Variants in PMIS2 observed in about 807,000 individuals in gnomAD.
PMIS2 encodes transmembrane protein PMIS2.
Position 35,586,324 on chromosome 19 carries a change from C to T in PMIS2, c.65C>T (p.Pro22Leu), listed in dbSNP as rs1217264109. 5 of 398,270 alleles carry T rather than the reference C, an allele frequency of 1.3e-5. No homozygotes were observed. In the East Asian group the frequency reaches 1.8e-4, roughly 14 times the overall value. 24.7% of individuals were successfully genotyped at this position (398,270 alleles called of 1,614,324 possible). ...AACGCGCCAGCTACCCCAGACGCCCCCCCTACCACAGGTGATCCAGGTGCT... is the reference window on the plus strand; with the variant it reads ...AACGCGCCAGCTACCCCAGACGCCCTCCCTACCACAGGTGATCCAGGTGCT... Residue 22 changes from proline (P) to leucine (L), a missense_variant, in exon 1 of 2, where the codon CCC becomes CTC. Physicochemically the swap from Pro to Leu is moderately conservative, Grantham distance 98 (BLOSUM62 -3). Coordinates refer to ENST00000646476, the Ensembl canonical transcript of PMIS2.
chr19:35,586,786 G>A (rs555034600), intron 1 of PMIS2, among the ~76,000 whole-genome samples, 190 bp from the exon 2 acceptor site: 16 of 152,070 alleles, frequency 1.1e-4, no homozygotes, highest in African/African-American at 3.6e-4. Flanking sequence ...CACCATGCTG[G>A]CCAGGCTGGT....
At chr19:35,587,057 G>A (rs1463795751) in exon 2 of PMIS2, 17 of 398,514 alleles carry the variant, frequency 4.3e-5, no homozygotes, top group Admixed American at 1.8e-4. Flanking sequence ...ATGGGAAGAG[G>A]CTTACATCAA....
At chr19:35,587,233 G>A, downstream of PMIS2, 1 of 397,594 alleles carries the variant, frequency 2.5e-6, no homozygotes, top group Non-Finnish European at 4.4e-6. Flanking sequence ...CATCAGGCAA[G>A]AAATTCAACC....
exon 2 of PMIS2, chr19:35,587,116 A>C (rs773595804): frequency 2.5e-6 from 1 of 398,508 alleles, no homozygotes; most frequent in East Asian, 3.6e-5. Context: ...TGATTGGCTT[A>C]GGCATCATTT....
exon 1 of PMIS2, chr19:35,586,411 A>C: frequency 2.5e-6 from 1 of 398,806 alleles, no homozygotes; most frequent in Non-Finnish European, 4.4e-6. Context: ...GAGGTGCCCC[A>C]GGAGCCGCAA....
At chr19:35,587,101 G>A (rs2071782912) in exon 2 of PMIS2, 1 of 398,550 alleles carries the variant, frequency 2.5e-6, no homozygotes, top group Non-Finnish European at 4.4e-6. Flanking sequence ...GTGCATTCGT[G>A]GTAATGATTG....
chr19:35,586,534 C>G (rs1235516294), exon 1 of PMIS2: 1 of 397,238 alleles, frequency 2.5e-6, no homozygotes, highest in Non-Finnish European at 4.4e-6. Context: ...TTGTACTTCT[C>G]TTATGAGGTA....
At chr19:35,586,941 C>G (rs1226134520) in intron 1 of PMIS2, 35 bp from the exon 2 acceptor site, 1 of 398,684 alleles carries the variant, frequency 2.5e-6, no homozygotes, top group Non-Finnish European at 4.4e-6. Context: ...GGGGCTTTCC[C>G]TCAGTGACTG....
At chr19:35,586,565 C>T in intron 1 of PMIS2, 24 bp downstream of exon 1, 1 of 395,104 alleles carries the variant, frequency 2.5e-6, no homozygotes, top group Non-Finnish European at 4.4e-6. Context: ...CAAGTCATAG[C>T]CCCCGTCCTT....
exon 1 of PMIS2, chr19:35,586,359 C>T (rs1164048995): frequency 1.3e-5 from 5 of 399,186 alleles, no homozygotes; most frequent in Non-Finnish European, 2.2e-5. Flanking sequence ...TTCAGCTGCC[C>T]CAGGTTCTCC....
chr19:35,586,366 C>A (rs1166503517), exon 1 of PMIS2: 1 of 399,154 alleles, frequency 2.5e-6, no homozygotes, highest in East Asian at 3.6e-5. Context: ...GCCCCAGGTT[C>A]TCCCACTACC....
At chr19:35,586,440 G>C (rs1005672960) in exon 1 of PMIS2, 1 of 398,590 alleles carries the variant, frequency 2.5e-6, no homozygotes, top group African/African-American at 2.1e-5. Context: ...ACAGACACCA[G>C]AGGAACTAGC....
exon 1 of PMIS2, chr19:35,586,492 T>C: frequency 5.0e-6 from 2 of 398,584 alleles, no homozygotes; most frequent in Middle Eastern, 6.3e-4. Flanking sequence ...ATCTTTGCTA[T>C]ACTTTTATTC....
At chr19:35,586,437 C>A in exon 1 of PMIS2, 1 of 398,704 alleles carries the variant, frequency 2.5e-6, no homozygotes, top group Non-Finnish European at 4.4e-6. Flanking sequence ...TACACAGACA[C>A]CAGAGGAACT....
At position 35,586,311 on chromosome 19, in the gene PMIS2, A is replaced by AC; in HGVS notation, c.56dup (p.Asp20ArgfsTer8). Reference sequence around the variant, plus strand: ...CCAGCCTGCTCCCAACGCGCCAGCTACCCCAGACGCCCCCCCTACCACAGG... The same window carrying AC: ...CCAGCCTGCTCCCAACGCGCCAGCTACCCCCAGACGCCCCCCCTACCACAGG... On this transcript the variant is annotated frameshift_variant, in exon 1 of 2. Coordinates refer to ENST00000646476, the Ensembl canonical transcript of PMIS2. LOFTEE classifies it high-confidence loss of function. 2.5e-6 allele frequency: 1 copy of AC among 398,128 alleles called. No homozygotes were observed. Among genetic ancestry groups the AC allele is most frequent in the Non-Finnish European group, 4.4e-6 (1 of 226,324 alleles). 24.7% of individuals were successfully genotyped at this position (398,128 alleles called of 1,614,324 possible).
intron 1 of PMIS2, 49 bp from the exon 2 acceptor site, chr19:35,586,927 C>A: frequency 2.5e-6 from 1 of 398,660 alleles, no homozygotes; most frequent in Non-Finnish European, 4.4e-6. Context: ...CTGGGACCTG[C>A]ATAGGGGCTT....
exon 2 of PMIS2, chr19:35,587,167 C>T (rs1265187832): frequency 2.5e-6 from 1 of 398,534 alleles, no homozygotes; most frequent in Non-Finnish European, 4.4e-6. Flanking sequence ...GCATAGCAAC[C>T]CAGGGGTCCG....
intron 1 of PMIS2, chr19:35,587,005 G>C: frequency 2.5e-6 from 1 of 398,692 alleles, no homozygotes; most frequent in Non-Finnish European, 4.4e-6. Context: ...CCACATCTAT[G>C]CTTCCACCCC....
Position 35,586,466 on chromosome 19 carries a change from CT to C in PMIS2, c.208del (p.Tyr70ThrfsTer4). On this transcript the variant is annotated frameshift_variant, in exon 1 of 2. Coordinates refer to ENST00000646476, the Ensembl canonical transcript of PMIS2. LOFTEE classifies it high-confidence loss of function. Reference sequence around the variant, plus strand: ...AGGAACTAGCATTTTACGCCCCAAACTACCTATGTTTGACCATCTTTGCTAT... The same window carrying C: ...AGGAACTAGCATTTTACGCCCCAAACACCTATGTTTGACCATCTTTGCTAT... 1 of 398,654 alleles carries C rather than the reference CT, an allele frequency of 2.5e-6. No individual in the cohort carries two copies. The highest frequency in any genetic ancestry group is 4.4e-6 in the Non-Finnish European group (1 of 226,136). 24.7% of individuals were successfully genotyped at this position (398,654 alleles called of 1,614,324 possible).
Sources: gnomAD v4.1 joint callset for allele counts (sites outside exome capture counted in the v4.1 genomes callset) on GRCh38, gnomAD v4.1.1 for gene constraint, MANE v1.5 for transcripts, NCBI Gene and HGNC (gene_info 2026-07-23, HGNC 2026-07-21) for gene names.